Variants in ENO1 observed in about 807,000 individuals in gnomAD.
The protein encoded by ENO1 is enolase 1.
Under a neutral mutation model 46.3 loss-of-function variants are expected in ENO1, and 33 were observed. The observed-to-expected ratio is 0.71, with a 90% CI of 0.54 to 0.95. ENO1 has a LOEUF of 0.95. Ranked by LOEUF, ENO1 falls within the 40% of genes least tolerant of loss-of-function variation. The pLI is 0.00. For missense variants in ENO1, 488 were observed against 553.3 expected (o/e 0.88, Z 1.18); for synonymous variants, 220 against 216.0 (o/e 1.02, Z -0.16).
At chr1:8,870,554 A>G in intron 3 of ENO1, 44 bp from the exon 4 acceptor site, 2 of 1,613,358 alleles carry the variant, frequency 1.2e-6, no homozygotes, top group Non-Finnish European at 1.7e-6. Flanking sequence ...TAACTTTAAA[A>G]CAGGCTTGAG....
intron 11 of ENO1, among the ~76,000 whole-genome samples, chr1:8,862,353 G>A (rs28999098): frequency 0.041 from 6,158 of 151,962 alleles, 374 homozygotes; most frequent in African/African-American, 0.14. Flanking sequence ...TGAATGAAGG[G>A]GTAATATGGG....
rs1165273141 is a variant in ENO1 at position 8,864,156 on chromosome 1, A to C, written c.866-64T>G. 14 of 1,553,508 alleles carry C rather than the reference A, an allele frequency of 9.0e-6. No individual in the cohort carries two copies. The African/African-American group carries it at 1.6e-4, about 18-fold the overall frequency. On this transcript the variant is annotated intron_variant, in intron 8 of 11. Coordinates refer to ENST00000234590, the MANE Select transcript of ENO1 (RefSeq NM_001428.5). ...CCCAGTGTGCTCCACCGCAATGCCC[A>C]GCCTTGCTTCCCCCTTGACTTGCTG...
chr1:8,871,056 G>C, intron 3 of ENO1: 1 of 1,231,432 alleles, frequency 8.1e-7, no homozygotes, highest in Non-Finnish European at 1.0e-6. Flanking sequence ...TTACCATCAA[G>C]GCACAGCATC....
At position 8,861,070 on chromosome 1, in the gene ENO1, C is replaced by T. The variant is rs770966365; in HGVS notation, c.*290G>A. 4 of 366,634 alleles carry T rather than the reference C, an allele frequency of 1.1e-5. No homozygotes were observed. The highest frequency in any genetic ancestry group is 4.9e-5 in the South Asian group (1 of 20,600). 22.7% of individuals were successfully genotyped at this position (366,634 alleles called of 1,614,324 possible). ...CCGGGGATCTAGCCTGTGGCCACCCCGGAGATGACACGAGGCTCACATGAC... is the reference window on the plus strand; with the variant it reads ...CCGGGGATCTAGCCTGTGGCCACCCTGGAGATGACACGAGGCTCACATGAC... On this transcript the variant is annotated 3_prime_UTR_variant, in exon 12 of 12. Transcript: ENST00000234590.
At chr1:8,863,758 C>T in intron 9 of ENO1, 133 bp downstream of exon 9, 1 of 1,096,316 alleles carries the variant, frequency 9.1e-7, no homozygotes, top group East Asian at 2.4e-5. Context: ...TGAGTTCAAA[C>T]ACAAAACCTG....
At chr1:8,865,866 C>T (rs1285905745) in intron 7 of ENO1, 5 of 334,896 alleles carry the variant, frequency 1.5e-5, no homozygotes, top group East Asian at 1.6e-4. Flanking sequence ...GGAGGCAGCC[C>T]GGGATGGCAG....
intron 6 of ENO1, 22 bp from the exon 7 acceptor site, chr1:8,866,523 A>G (rs1380652148): frequency 6.2e-7 from 1 of 1,613,612 alleles, no homozygotes; most frequent in Admixed American, 1.7e-5. Flanking sequence ...AGAGCAGAGA[A>G]GCATGGCACT....
In ENO1 at chr1:8,868,038, T is replaced by C. The variant is rs1391780140; in HGVS notation, c.260A>G (p.Gln87Arg). ...LVSKKLNVTE[Q>R]EKIDKLMIEM... ...GATCATCAGTTTGTCAATCTTCTCT[T>C]GTTCTGTGACGTTCAGTTTCTACGA... Residue 87 changes from glutamine (Q) to arginine (R), a missense_variant, in exon 5 of 12, where the codon CAA becomes CGA. Physicochemically the swap from Gln to Arg is conservative, Grantham distance 43 (BLOSUM62 1). Transcript: ENST00000234590. 1 of 1,614,020 alleles carries C rather than the reference T, an allele frequency of 6.2e-7. No homozygotes were observed. Among genetic ancestry groups the C allele is most frequent in the African/African-American group, 1.3e-5 (1 of 74,924 alleles).
chr1:8,867,402 T>C, intron 5 of ENO1, 152 bp from the exon 6 acceptor site: 1 of 1,132,108 alleles, frequency 8.8e-7, no homozygotes, highest in Non-Finnish European at 1.2e-6. Flanking sequence ...GCATTCTATG[T>C]GGACTCACCA....
At chr1:8,870,959 AGACAGT>A in intron 3 of ENO1, 4 of 1,248,064 alleles carry the variant, frequency 3.2e-6, no homozygotes, top group Non-Finnish European at 4.0e-6. Flanking sequence ...TGCGAGTGAG[AGACAGT>A]GAGGGGGCAG....
intron 11 of ENO1, among the ~76,000 whole-genome samples, chr1:8,862,454 C>A (rs1005522231): frequency 1.7e-4 from 26 of 152,188 alleles, no homozygotes; most frequent in Admixed American, 2.6e-4. Flanking sequence ...ACCAGAACAG[C>A]CCCACAGCGC....
chr1:8,875,207 A>G (rs1557588056), intron 1 of ENO1, among the ~76,000 whole-genome samples: 1 of 152,182 alleles, frequency 6.6e-6, no homozygotes. Context: ...CGACTGCTCA[A>G]GTCATTGCCA....
chr1:8,862,838 C>A, intron 11 of ENO1, 49 bp downstream of exon 11: 1 of 1,602,642 alleles, frequency 6.2e-7, no homozygotes, highest in Non-Finnish European at 8.5e-7. Context: ...TGAGTGCAGG[C>A]CCCCACCTAG....
chr1:8,875,016 A>AATC, intron 1 of ENO1, 99 bp from the exon 2 acceptor site: 1 of 965,964 alleles, frequency 1.0e-6, no homozygotes, highest in Non-Finnish European at 1.6e-6. Context: ...GACTAGAGAG[A>AATC]ATCAGCACTG....
In ENO1 at chr1:8,874,613, GA is replaced by G. The variant is rs924929151; in HGVS notation, c.85+210del. Reference sequence around the variant, plus strand: ...AAAAAAAAAAAAAGAAAAAGAAAAAGAAAAAAATAAGCCGAGAAACAGCAAG... The same window carrying G: ...AAAAAAAAAAAAAGAAAAAGAAAAAGAAAAAATAAGCCGAGAAACAGCAAG... On this transcript the variant is annotated intron_variant, in intron 2 of 11. Transcript: ENST00000234590. Among the ~76,000 whole-genome samples the G allele has an allele frequency of 2.9e-4, 35 of 122,166 alleles. No individual in the cohort carries two copies. The South Asian group carries it at 9.4e-3, about 33-fold the overall frequency. The allele number at this position is 122,166 out of a possible 152,430, so 80.1% of individuals were successfully genotyped here. A position where few individuals can be genotyped will look rare whatever the true frequency, so the allele number is the denominator to read the frequency against.
chr1:8,875,531 G>C (rs1011498196), intron 1 of ENO1, among the ~76,000 whole-genome samples: 1 of 152,210 alleles, frequency 6.6e-6, no homozygotes, highest in African/African-American at 2.4e-5. Context: ...AAAGAGGGTG[G>C]CGGGACCAGG....
chr1:8,874,699 G>A (rs1642701489), intron 2 of ENO1, 125 bp downstream of exon 2: 1 of 752,572 alleles, frequency 1.3e-6, no homozygotes, highest in Non-Finnish European at 2.1e-6. Context: ...CAACCTACTA[G>A]CATGTGCAGA....
At chr1:8,871,396 A>G in intron 3 of ENO1, 11 of 995,412 alleles carry the variant, frequency 1.1e-5, no homozygotes, top group Non-Finnish European at 1.2e-5. Context: ...TCTGCCACAG[A>G]GCAGGGCTCC....
At chr1:8,865,524 T>C (rs1476466469) in intron 7 of ENO1, 42 bp from the exon 8 acceptor site, 1 of 1,602,470 alleles carries the variant, frequency 6.2e-7, no homozygotes, top group South Asian at 1.1e-5. Context: ...AACAGGTAGG[T>C]ACAGAGAAAA....
Sources: allele counts gnomAD v4.1 joint callset (sites outside exome capture counted in the v4.1 genomes callset), GRCh38; gene constraint gnomAD v4.1.1; transcripts MANE v1.5; gene names NCBI Gene and HGNC (gene_info 2026-07-23, HGNC 2026-07-21).